The following ZC3H4 variants were observed in gnomAD, a reference collection of about 807,000 sequenced individuals.
ZC3H4 encodes the protein zinc finger CCCH domain-containing protein 4.
ZC3H4 carries 13 observed loss-of-function variants against 108.3 expected under a neutral mutation model. The observed-to-expected ratio is 0.12, with a 90% confidence interval of 0.08 to 0.19. ZC3H4 has a LOEUF of 0.19. Ranked by LOEUF, ZC3H4 falls within the 10% of genes least tolerant of loss-of-function variation. ZC3H4 has a pLI of 1.00. For missense variants in ZC3H4, 1,734 were observed against 1,838.8 expected (o/e 0.94, Z 1.04); for synonymous variants, 917 against 749.6 (o/e 1.22, Z -3.65).
intron 14 of ZC3H4, among the ~76,000 whole-genome samples, chr19:47,068,400 C>T (rs191264909): frequency 1.8e-4 from 28 of 152,304 alleles, no homozygotes; most frequent in South Asian, 4.1e-4. Context: ...CAAACCGGCT[C>T]GTGATGTCCC....
rs1186625843 is a variant in ZC3H4 at position 47,072,264 on chromosome 19, T to C, written c.1802+88A>G. ...ACAGCTGGGGAGAGAGGCAGGACTC[T>C]CCCACAGCCAGGCTTGCCCTAACAA... On this transcript the variant is annotated intron_variant, in intron 12 of 14. Coordinates refer to ENST00000253048, the MANE Select transcript of ZC3H4 (RefSeq NM_015168.2). The surrounding 1 kb of genome is among the most constrained non-coding windows in gnomAD (Gnocchi z 5.6). 8 of 1,456,968 alleles carry C rather than the reference T, an allele frequency of 5.5e-6. No homozygotes were observed. The Admixed American group carries it at 1.7e-4, about 31-fold the overall frequency. 90.3% of individuals were successfully genotyped at this position (1,456,968 alleles called of 1,614,324 possible).
chr19:47,107,016 C>T (rs1294721824), intron 2 of ZC3H4, among the ~76,000 whole-genome samples: 2 of 152,180 alleles, frequency 1.3e-5, no homozygotes, highest in Non-Finnish European at 2.9e-5. Flanking sequence ...AGCACTGACT[C>T]GGACTCTAAT....
chr19:47,068,750 A>C (rs1365602823), intron 14 of ZC3H4, among the ~76,000 whole-genome samples: 1 of 152,210 alleles, frequency 6.6e-6, no homozygotes, highest in Non-Finnish European at 1.5e-5. Context: ...CTCCTTGAGA[A>C]CACGGTAGGA....
chr19:47,096,998 G>A (rs1178060808), intron 2 of ZC3H4: 6 of 985,242 alleles, frequency 6.1e-6, no homozygotes, highest in Non-Finnish European at 6.0e-6. Flanking sequence ...TCGCTGGCTC[G>A]GACGAAGGTA....
rs2057241996 is a variant in ZC3H4 at position 47,067,694 on chromosome 19, C to G, written c.2574G>C (p.Arg858=). The part of the protein sequence containing the change: ...RLQKGHPTGS[R]LADPRLSRDP... ...CCCGGCTGAGGCGAGGGTCAGCCAG[C>G]CGGCTTCCTGTGGGGTGTCCCTTCT... Residue 858 remains arginine (R), a synonymous_variant, in exon 15 of 15, where the codon CGG becomes CGC. Transcript: ENST00000253048. The surrounding 1 kb of genome is among the most constrained non-coding windows in gnomAD (Gnocchi z 6.4). 1.2e-6 allele frequency: 2 copies of G among 1,600,856 alleles called. No homozygotes were observed. The highest frequency in any genetic ancestry group is 3.4e-5 in the Admixed American group (2 of 58,796).
intron 1 of ZC3H4, chr19:47,113,512 G>A (rs1265030538): frequency 6.5e-6 from 1 of 152,672 alleles, no homozygotes; most frequent in Non-Finnish European, 1.5e-5. Context: ...ACAGCCGAAA[G>A]AAAAGCAGCC....
chr19:47,107,833 T>C (rs2057987020), intron 2 of ZC3H4, among the ~76,000 whole-genome samples: 1 of 152,166 alleles, frequency 6.6e-6, no homozygotes, highest in Non-Finnish European at 1.5e-5. Context: ...CTGTACACAA[T>C]GTCTTCAAAA....
At chr19:47,075,292 G>A (rs571973595) in intron 11 of ZC3H4, among the ~76,000 whole-genome samples, 1 of 152,162 alleles carries the variant, frequency 6.6e-6, no homozygotes, top group African/African-American at 2.4e-5. Flanking sequence ...CTTTGAGCGT[G>A]GGCACCACCA....
Position 47,067,724 on chromosome 19 carries a change from G to T in ZC3H4, c.2544C>A (p.Arg848=). The change falls in exon 15 of 15, where the codon CGC becomes CGA. Residue 848 remains arginine, a synonymous_variant. Coordinates refer to ENST00000253048, the MANE Select transcript of ZC3H4 (RefSeq NM_015168.2). This position sits in a 1 kb window ranked among gnomAD's most constrained non-coding sequence, Gnocchi z 6.4. ...TTCCTGTGGGGTGTCCCTTCTGGAG[G>T]CGGGGGTCCCCCAGCCCACTGCTGC... is the stretch of plus-strand genomic sequence containing the variant. ...ELSSSGLGDP[R]LQKGHPTGSR... 1 of 1,607,246 alleles carries T rather than the reference G, an allele frequency of 6.2e-7. No homozygotes were observed. Among genetic ancestry groups the T allele is most frequent in the East Asian group, 2.2e-5 (1 of 44,798 alleles).
In ZC3H4 at chr19:47,072,071, A is replaced by G. The variant is rs1162803714; in HGVS notation, c.1853T>C (p.Met618Thr). Residue 618 changes from methionine (M) to threonine (T), a missense_variant, in exon 13 of 15, where the codon ATG (methionine) becomes ACG (threonine). Physicochemically the swap from Met to Thr is moderately conservative, Grantham distance 81 (BLOSUM62 -1). Coordinates refer to ENST00000253048, the MANE Select transcript of ZC3H4 (RefSeq NM_015168.2). This position sits in a 1 kb window ranked among gnomAD's most constrained non-coding sequence, Gnocchi z 5.6. ...ACCGCCCATTGGCCCTGGGGGTCCC[A>G]TGTTGGGCCCAGGGCCCATTGGCCC... is the stretch of plus-strand genomic sequence containing the variant. ...PPGPMGPGPN[M>T]GPPGPMGGPM... The G allele has an allele frequency of 6.3e-7, 1 of 1,578,102 alleles. No individual in the cohort carries two copies. Among genetic ancestry groups the G allele is most frequent in the Admixed American group, 1.9e-5 (1 of 53,536 alleles).
Position 47,069,453 on chromosome 19 carries a change from C to T in ZC3H4, c.2147-110G>A, listed in dbSNP as rs2057287397. On this transcript the variant is annotated intron_variant, in intron 13 of 14. Coordinates refer to ENST00000253048, the MANE Select transcript of ZC3H4 (RefSeq NM_015168.2). ...ACACCGATGGCGATGGAGAAGGACG[C>T]ACAGCCTGCCCCTGCCTGCCCTCCC... 10 of 1,391,666 alleles carry T rather than the reference C, an allele frequency of 7.2e-6. 1 individual carries two copies. The South Asian group carries it at 1.4e-4, about 19-fold the overall frequency. 86.2% of individuals were successfully genotyped at this position (1,391,666 alleles called of 1,614,324 possible).
intron 11 of ZC3H4, among the ~76,000 whole-genome samples, chr19:47,075,687 C>T (rs888164274): frequency 8.5e-5 from 13 of 152,150 alleles, no homozygotes; most frequent in African/African-American, 3.1e-4. Context: ...CCTGCCTCCT[C>T]AGCACCCCCA....
chr19:47,072,099 G>T lies in ZC3H4; in HGVS notation c.1825C>A (p.Pro609Thr), dbSNP rs759032521. The T allele has an allele frequency of 3.9e-6, 6 of 1,546,614 alleles. No homozygotes were observed. The East Asian group carries it at 9.3e-5, about 24-fold the overall frequency. ...TTGGGCCCAGGGCCCATTGGCCCTG[G>T]GGGTCCACCGGGTCCAGGGAACCTA... Reference protein sequence around the residue: ...GVRFPGPGGPPGPMGPGPNMG... With the variant: ...GVRFPGPGGPTGPMGPGPNMG... The change falls in exon 13 of 15, where the codon CCA becomes ACA. Residue 609 changes from proline to threonine, a missense_variant. Coordinates refer to ENST00000253048, the MANE Select transcript of ZC3H4 (RefSeq NM_015168.2). This position sits in a 1 kb window ranked among gnomAD's most constrained non-coding sequence, Gnocchi z 5.6.
At chr19:47,069,710 T>A (rs1313321815) in intron 13 of ZC3H4, among the ~76,000 whole-genome samples, 2 of 152,182 alleles carry the variant, frequency 1.3e-5, no homozygotes, top group Admixed American at 6.5e-5. Flanking sequence ...TTCCTGTACT[T>A]TTAAATTATT....
chr19:47,068,426 G>C (rs1470587475), intron 14 of ZC3H4, among the ~76,000 whole-genome samples: 1 of 152,222 alleles, frequency 6.6e-6, no homozygotes, highest in East Asian at 1.9e-4. Flanking sequence ...CCCAGGGAGG[G>C]GCTGGTGTGG....
rs953256112 is a variant in ZC3H4, at chr19:47,066,883, C to T, written c.3385G>A (p.Gly1129Ser). The T allele has an allele frequency of 4.4e-6, 7 of 1,597,798 alleles. No homozygotes were observed. The highest frequency in any genetic ancestry group is 1.3e-5 in the African/African-American group (1 of 74,872). Residue 1129 changes from glycine (G) to serine (S), a missense_variant, in exon 15 of 15, where the codon GGT (glycine) becomes AGT (serine). Gly to Ser is a moderately conservative substitution (Grantham distance 56). Coordinates refer to ENST00000253048, the MANE Select transcript of ZC3H4 (RefSeq NM_015168.2). ...APYDPRVLAA[G>S]GLGQGGGGGQ... Reference sequence around the variant, plus strand: ...CCCCCTCCGCCCTGGCCCAGTCCACCGGCCGCCAGCACGCGGGGGTCGTAG... The same window carrying T: ...CCCCCTCCGCCCTGGCCCAGTCCACTGGCCGCCAGCACGCGGGGGTCGTAG...
At chr19:47,096,850 T>TG (rs2057829006) in intron 2 of ZC3H4, 7 of 985,430 alleles carry the variant, frequency 7.1e-6, no homozygotes, top group Non-Finnish European at 8.4e-6. Flanking sequence ...GGCAGGTGCC[T>TG]GATCATCAGG....
chr19:47,087,800 G>A (rs1042187040), intron 5 of ZC3H4, among the ~76,000 whole-genome samples: 1 of 152,106 alleles, frequency 6.6e-6, no homozygotes, highest in Non-Finnish European at 1.5e-5. Context: ...CTTGAACCTC[G>A]GAGGCGGAGG....
At chr19:47,090,426 G>A (rs1255937435) in intron 4 of ZC3H4, among the ~76,000 whole-genome samples, 2 of 152,156 alleles carry the variant, frequency 1.3e-5, no homozygotes, top group African/African-American at 4.8e-5. Context: ...AAAGAAAACA[G>A]AACCACAGAC....
Sources: gnomAD v4.1 joint callset for allele counts (sites outside exome capture counted in the v4.1 genomes callset) on GRCh38, gnomAD v4.1.1 for gene constraint, Gnocchi (gnomAD v3.1) non-coding constraint, MANE v1.5 for transcripts, NCBI Gene and HGNC (gene_info 2026-07-23, HGNC 2026-07-21) for gene names.